LYRM4: variants seen among roughly 807,000 people sequenced by gnomAD.
LYRM4 encodes LYR motif containing 4.
A neutral mutation model predicts 11.7 loss-of-function variants in LYRM4; 9 were observed. That is an observed-to-expected ratio of 0.77 (90% CI 0.46 to 1.34). LYRM4 has a LOEUF of 1.34. Among genes scored for constraint, LYRM4 ranks in the 40% most tolerant of loss-of-function variants. The pLI is 0.00. For missense variants in LYRM4, 133 were observed against 112.5 expected (o/e 1.18, Z -0.82); for synonymous variants, 42 against 40.4 (o/e 1.04, Z -0.15).
the LYRM4 span, among the ~76,000 whole-genome samples, chr6:5,062,517 C>T: frequency 6.6e-6 from 1 of 151,938 alleles, no homozygotes; most frequent in Non-Finnish European, 1.5e-5. Flanking sequence ...TTTTCTTCCA[C>T]ATCATTGTTT....
chr6:5,077,878 A>C, the LYRM4 span, among the ~76,000 whole-genome samples: 2 of 152,240 alleles, frequency 1.3e-5, no homozygotes, highest in African/African-American at 2.4e-5. Flanking sequence ...AAATCCATTT[A>C]GGGTTCTTCT....
chr6:5,236,675 C>T (rs1273268510), intron 1 of LYRM4, among the ~76,000 whole-genome samples: 1 of 150,474 alleles, frequency 6.6e-6, no homozygotes, highest in East Asian at 2.0e-4. Context: ...GGGCCAAGCG[C>T]AGTAGCTCAC....
intron 1 of LYRM4, among the ~76,000 whole-genome samples, chr6:5,254,938 C>T (rs1764599915): frequency 6.6e-6 from 1 of 152,160 alleles, no homozygotes; most frequent in South Asian, 2.1e-4. Context: ...TTACGCACTT[C>T]TGATTCATGT....
intron 2 of LYRM4, among the ~76,000 whole-genome samples, chr6:5,198,440 T>TA (rs1377609320): frequency 6.6e-6 from 1 of 152,096 alleles, no homozygotes; most frequent in Non-Finnish European, 1.5e-5. Flanking sequence ...TTTTTGATGT[T>TA]AAAAAAATCA....
chr6:5,085,233 T>G, the LYRM4 span: 2 of 441,244 alleles, frequency 4.5e-6, no homozygotes, highest in South Asian at 4.5e-5. Context: ...CGCGGGCAGG[T>G]TCAACCGGGA....
At chr6:5,086,272 G>C in the LYRM4 span, 2 of 1,535,562 alleles carry the variant, frequency 1.3e-6, no homozygotes, top group African/African-American at 2.7e-5. Context: ...CTTCCTGGAC[G>C]TGCCGGCTGA....
At chr6:5,080,273 A>G in the LYRM4 span, among the ~76,000 whole-genome samples, 1 of 152,238 alleles carries the variant, frequency 6.6e-6, no homozygotes, top group Non-Finnish European at 1.5e-5. Flanking sequence ...AACCCTTTAC[A>G]TGCCTTGTTG....
chr6:5,055,644 C>T, the LYRM4 span, among the ~76,000 whole-genome samples: 1 of 152,182 alleles, frequency 6.6e-6, no homozygotes, highest in Non-Finnish European at 1.5e-5. The surrounding 1 kb of genome is among the most constrained non-coding windows in gnomAD (Gnocchi z 4.5). Context: ...TGACTGGTAT[C>T]TCCAGACTGA....
intron 2 of LYRM4, among the ~76,000 whole-genome samples, chr6:5,126,125 A>G (rs1040039175): frequency 1.3e-5 from 2 of 152,254 alleles, no homozygotes; most frequent in African/African-American, 4.8e-5. Context: ...AGCCCTTTAG[A>G]TATGAAGATT....
intron 1 of LYRM4, among the ~76,000 whole-genome samples, chr6:5,253,965 A>G (rs1037547232): frequency 2.6e-5 from 4 of 152,320 alleles, no homozygotes; most frequent in Non-Finnish European, 5.9e-5. Context: ...TGACCAGCTC[A>G]GTGGCTGGAC....
At chr6:5,098,560 G>A in the LYRM4 span, among the ~76,000 whole-genome samples, 1 of 152,354 alleles carries the variant, frequency 6.6e-6, no homozygotes, top group East Asian at 1.9e-4. Context: ...AGGTACAGGA[G>A]TGTGTACACA....
the LYRM4 span, among the ~76,000 whole-genome samples, chr6:5,035,416 A>G: frequency 6.6e-6 from 1 of 151,302 alleles, no homozygotes; most frequent in Non-Finnish European, 1.5e-5. Context: ...TCTTTTCTTC[A>G]GTGCCAGGTG....
At chr6:5,147,505 T>C (rs1757792975) in intron 2 of LYRM4, among the ~76,000 whole-genome samples, 1 of 152,190 alleles carries the variant, frequency 6.6e-6, no homozygotes, top group Non-Finnish European at 1.5e-5. Flanking sequence ...GAGGTTACAG[T>C]TGAAACTATG....
At chr6:5,195,280 C>T (rs1760984597) in intron 2 of LYRM4, among the ~76,000 whole-genome samples, 1 of 152,054 alleles carries the variant, frequency 6.6e-6, no homozygotes, top group Non-Finnish European at 1.5e-5. Flanking sequence ...TTTAATTAAC[C>T]TTCCCTTGCA....
At chr6:5,167,833 T>G (rs1379006008) in intron 2 of LYRM4, among the ~76,000 whole-genome samples, 1 of 152,150 alleles carries the variant, frequency 6.6e-6, no homozygotes, top group Admixed American at 6.5e-5. Flanking sequence ...CACCTTTTTT[T>G]GTTTGCTAAT....
chr6:5,080,817 A>C, the LYRM4 span, among the ~76,000 whole-genome samples: 2 of 152,102 alleles, frequency 1.3e-5, no homozygotes, highest in African/African-American at 4.8e-5. Context: ...TTCCTTTCCA[A>C]TGACTTCAAC....
chr6:5,097,354 A>C, the LYRM4 span, among the ~76,000 whole-genome samples: 2 of 150,698 alleles, frequency 1.3e-5, no homozygotes, highest in African/African-American at 5.0e-5. Context: ...TAATATACCT[A>C]TATGTTTGAG....
At chr6:5,226,990 G>A (rs1336100377) in intron 1 of LYRM4, among the ~76,000 whole-genome samples, 1 of 152,174 alleles carries the variant, frequency 6.6e-6, no homozygotes, top group Non-Finnish European at 1.5e-5. Context: ...ATATAAGCAG[G>A]TGAGATATAT....
At chr6:5,251,680 C>T (rs748047493) in intron 1 of LYRM4, among the ~76,000 whole-genome samples, 4 of 152,216 alleles carry the variant, frequency 2.6e-5, no homozygotes, top group African/African-American at 7.2e-5. Flanking sequence ...GGCCCCACCT[C>T]CAACACGGGG....
Sources: gnomAD v4.1 joint callset for allele counts (sites outside exome capture counted in the v4.1 genomes callset) on GRCh38, gnomAD v4.1.1 for gene constraint, Gnocchi (gnomAD v3.1) non-coding constraint, MANE v1.5 for transcripts, NCBI Gene and HGNC (gene_info 2026-07-23, HGNC 2026-07-21) for gene names.